FKBP1A: variants seen among roughly 807,000 people sequenced by gnomAD.
FKBP1A encodes FKBP prolyl isomerase 1A.
FKBP1A carries 5 observed loss-of-function variants against 14.2 expected under a neutral mutation model. The observed-to-expected ratio is 0.35, with a 90% confidence interval of 0.18 to 0.74. The LOEUF is 0.74. FKBP1A is among the 30% of genes least tolerant of loss of function. FKBP1A has a pLI of 0.56. For missense variants in FKBP1A, 53 were observed against 138.8 expected, an observed-to-expected ratio of 0.38 and a Z score of 3.10; for synonymous variants, 42 against 49.1, an observed-to-expected ratio of 0.86 and a Z score of 0.60.
rs1177551965 is a variant in FKBP1A, at chr20:1,370,727, C to CT, written c.*37-656dup. The stretch of plus-strand genomic sequence containing the variant: ...GGGGTGACTTGTAGCCTTTATCCCT[C>CT]TCTCCCCTCCCTCTACCTCATCAAG... On this transcript the variant is annotated intron_variant, in intron 4 of 4. Coordinates refer to ENST00000400137, the MANE Select transcript of FKBP1A (RefSeq NM_000801.5). 5 of 985,166 alleles carry CT rather than the reference C, an allele frequency of 5.1e-6. No individual in the cohort carries two copies. In the African/African-American group the frequency reaches 8.7e-5, roughly 17 times the overall value. The allele number at this position is 985,166 out of a possible 1,614,324, so 61.0% of individuals were successfully genotyped here.
intron 2 of FKBP1A, among the ~76,000 whole-genome samples, chr20:1,385,396 A>C (rs1005718977): frequency 6.6e-6 from 1 of 152,158 alleles, no homozygotes; most frequent in Non-Finnish European, 1.5e-5. Context: ...TCTCCAAAAA[A>C]ATCAAAAGAA....
intron 3 of FKBP1A, chr20:1,375,283 G>GA: frequency 1.7e-6 from 1 of 595,194 alleles, no homozygotes. Flanking sequence ...GTGAAAGCAA[G>GA]AAAAAAGTTA....
chr20:1,380,241 G>C (rs2089602002), intron 2 of FKBP1A, among the ~76,000 whole-genome samples: 1 of 152,058 alleles, frequency 6.6e-6, no homozygotes. Flanking sequence ...CCAGGGAGAG[G>C]GACCTGGAGT....
rs953334822 is a variant in FKBP1A at position 1,386,442 on chromosome 20, G to A, written c.85+6392C>T. ...TGCCAAGACTGATGGGGAGACCTTG[G>A]AGAACAACACTAGTGTGGGTCTGGC... On this transcript the variant is annotated intron_variant, in intron 2 of 4. Transcript: ENST00000400137. This position sits in a 1 kb window ranked among gnomAD's most constrained non-coding sequence, Gnocchi z 4.7. Among the ~76,000 whole-genome samples, 2 of 152,238 alleles carry A rather than the reference G, an allele frequency of 1.3e-5. No individual in the cohort carries two copies. Among genetic ancestry groups the A allele is most frequent in the Non-Finnish European group, 2.9e-5 (2 of 68,048 alleles).
chr20:1,371,532 A>G (rs1359776052), intron 4 of FKBP1A, among the ~76,000 whole-genome samples: 7 of 152,212 alleles, frequency 4.6e-5, no homozygotes, highest in Non-Finnish European at 7.3e-5. Flanking sequence ...TGGGGGCCTC[A>G]AGTGTCCTGG....
chr20:1,380,431 A>G (rs548114244), intron 2 of FKBP1A, among the ~76,000 whole-genome samples: 1 of 152,308 alleles, frequency 6.6e-6, no homozygotes, highest in Admixed American at 6.5e-5. Flanking sequence ...GAGGAACAGT[A>G]TCCAGTGCTC....
In FKBP1A at chr20:1,391,322, G is replaced by A. The variant is rs144260203; in HGVS notation, c.85+1512C>T. ...AAATGGTTACTCTCCTCATCCTTCC[G>A]ATGACAAATCACCAAAAGGATGCGC... is the stretch of plus-strand genomic sequence containing the variant. On this transcript the variant is annotated intron_variant, in intron 2 of 4. Coordinates refer to ENST00000400137, the MANE Select transcript of FKBP1A (RefSeq NM_000801.5). 3.0e-3 allele frequency among the ~76,000 whole-genome samples: 454 copies of A among 152,198 alleles called. 4 individuals are homozygous for A. Among genetic ancestry groups the A allele is most frequent in the African/African-American group, 0.011 (443 of 41,508 alleles).
intron 3 of FKBP1A, among the ~76,000 whole-genome samples, chr20:1,375,142 A>AT (rs1193275717): frequency 6.6e-6 from 1 of 152,144 alleles, no homozygotes; most frequent in Admixed American, 6.5e-5. Context: ...TGATCCACCC[A>AT]TCTTGGCCTC....
intron 2 of FKBP1A, among the ~76,000 whole-genome samples, chr20:1,389,757 G>A (rs888312391): frequency 6.6e-6 from 1 of 152,216 alleles, no homozygotes; most frequent in Non-Finnish European, 1.5e-5. Flanking sequence ...AGTAAAAGAG[G>A]TCTAAACCTA....
chr20:1,389,409 C>G (rs2089707091), intron 2 of FKBP1A, among the ~76,000 whole-genome samples: 1 of 152,174 alleles, frequency 6.6e-6, no homozygotes. Context: ...GACATCAGAT[C>G]ACCAACCAAG....
chr20:1,378,721 G>A (rs941920759), intron 2 of FKBP1A: 1 of 152,172 alleles, frequency 6.6e-6, no homozygotes, highest in South Asian at 2.1e-4. Context: ...AAATAAAGAA[G>A]TCTGCTTTGC....
chr20:1,379,774 C>T lies in FKBP1A; in HGVS notation c.86-4171G>A, dbSNP rs756222241. Reference sequence around the variant, plus strand: ...TCGAGTCCGAAAGCTAAACAATAATCCCCCGAAATGGGTGGGGTGGTATGT... The same window carrying T: ...TCGAGTCCGAAAGCTAAACAATAATTCCCCGAAATGGGTGGGGTGGTATGT... On this transcript the variant is annotated intron_variant, in intron 2 of 4. Coordinates refer to ENST00000400137, the MANE Select transcript of FKBP1A (RefSeq NM_000801.5). This position sits in a 1 kb window ranked among gnomAD's most constrained non-coding sequence, Gnocchi z 4.3. Among the ~76,000 whole-genome samples, 10 of 152,206 alleles carry T rather than the reference C, an allele frequency of 6.6e-5. No homozygotes were observed. The highest frequency in any genetic ancestry group is 3.4e-3 in the Middle Eastern group (1 of 294).
chr20:1,370,489 C>G, intron 4 of FKBP1A: 2 of 977,134 alleles, frequency 2.0e-6, no homozygotes, highest in Non-Finnish European at 2.4e-6. Flanking sequence ...ACCTGGGCAT[C>G]AGGAAAGTCT....
chr20:1,385,550 T>TC (rs2089661398), intron 2 of FKBP1A, among the ~76,000 whole-genome samples: 1 of 152,052 alleles, frequency 6.6e-6, no homozygotes, highest in African/African-American at 2.4e-5. Flanking sequence ...GCTCTTGCTC[T>TC]CCTACAGTCT....
intron 2 of FKBP1A, among the ~76,000 whole-genome samples, chr20:1,390,198 C>A (rs1278384274): frequency 1.3e-5 from 2 of 152,102 alleles, no homozygotes; most frequent in African/African-American, 2.4e-5. Flanking sequence ...GGACCCGTGC[C>A]CAAATCAGCT....
intron 4 of FKBP1A, chr20:1,371,286 A>G (rs2089461008): frequency 1.2e-6 from 1 of 845,350 alleles, no homozygotes; most frequent in Non-Finnish European, 1.4e-6. Flanking sequence ...CTAAGAAATG[A>G]GGGTGGAAGA....
chr20:1,375,967 T>G (rs955467292), intron 2 of FKBP1A, among the ~76,000 whole-genome samples: 4 of 152,154 alleles, frequency 2.6e-5, no homozygotes, highest in Non-Finnish European at 5.9e-5. Context: ...TCCCTCGAGG[T>G]GCACACTATG....
At chr20:1,384,213 C>T (rs796963188) in intron 2 of FKBP1A, among the ~76,000 whole-genome samples, 38 of 152,108 alleles carry the variant, frequency 2.5e-4, no homozygotes, top group African/African-American at 8.4e-4. Flanking sequence ...GCTATATTTA[C>T]TGTGTAAATA....
intron 4 of FKBP1A, chr20:1,371,202 G>C (rs62187547): frequency 0.12 from 114,117 of 984,508 alleles, 6,859 homozygotes; most frequent in Middle Eastern, 0.17. Context: ...AAGGAAGCCA[G>C]TAGCATTCAT....
Sources: allele counts gnomAD v4.1 joint callset (sites outside exome capture counted in the v4.1 genomes callset), GRCh38; gene constraint gnomAD v4.1.1; non-coding constraint Gnocchi (gnomAD v3.1); transcripts MANE v1.5; gene names NCBI Gene and HGNC (gene_info 2026-07-23, HGNC 2026-07-21).